The following SHANK2 variants were observed in gnomAD, a reference collection of about 807,000 sequenced individuals.
The protein encoded by SHANK2 is SH3 and multiple ankyrin repeat domains protein 2.
Under a neutral mutation model 133.7 loss-of-function variants are expected in SHANK2, and 43 were observed. The observed-to-expected ratio is 0.32, with a 90% CI of 0.25 to 0.41. SHANK2 has a LOEUF of 0.41. Among genes scored for constraint, SHANK2 ranks in the 10% least tolerant of loss-of-function variants. The pLI, the probability that SHANK2 is intolerant of heterozygous loss-of-function variation, is 1.00. For missense variants in SHANK2, 1,994 were observed against 2,235.8 expected (o/e 0.89, Z 2.18); for synonymous variants, 1,017 against 952.8 (o/e 1.07, Z -1.24).
intron 14 of SHANK2, among the ~76,000 whole-genome samples, chr11:70,788,302 T>C (rs1384346796): frequency 6.6e-6 from 1 of 152,214 alleles, no homozygotes; most frequent in East Asian, 1.9e-4. Context: ...CTTCAGCAGC[T>C]TCCCTTTATC....
At position 71,163,093 on chromosome 11, in the gene SHANK2, A is replaced by AAAACATAT; in HGVS notation, c.-12-15756_-12-15755insATATGTTT. ...GTCTAAAAAAAAAAAAAAAAAAAAA[A>AAAACATAT]ATACATATATATATATATACAGAAT... On this transcript the variant is annotated intron_variant, in intron 2 of 25. Transcript: ENST00000601538. 2.1e-4 allele frequency among the ~76,000 whole-genome samples: 18 copies of AAAACATAT among 84,704 alleles called. 2 individuals are homozygous for AAAACATAT. The highest frequency in any genetic ancestry group is 7.3e-4 in the African/African-American group (16 of 21,788). 55.6% of individuals were successfully genotyped at this position (84,704 alleles called of 152,430 possible).
At chr11:71,248,416 C>T (rs1490608017) in intron 1 of SHANK2, among the ~76,000 whole-genome samples, 1 of 152,168 alleles carries the variant, frequency 6.6e-6, no homozygotes, top group Non-Finnish European at 1.5e-5. Flanking sequence ...AGCTGGGCAG[C>T]GTGCATTTAA....
rs781978925 is a variant in SHANK2 at position 70,877,306 on chromosome 11, G to A, written c.1174+19195C>T. 2.6e-4 allele frequency among the ~76,000 whole-genome samples: 39 copies of A among 152,344 alleles called. 1 individual carries two copies. Among genetic ancestry groups the A allele is most frequent in the Non-Finnish European group, 2.8e-4 (19 of 68,030 alleles). ...CTGGGCAGAGCCCTCACCCTATGCC[G>A]ATGGCCAGCCTGTGACCTCACATAA... On this transcript the variant is annotated intron_variant, in intron 11 of 25. Transcript: ENST00000601538.
chr11:70,512,960 A>G (rs1473597505), intron 17 of SHANK2, among the ~76,000 whole-genome samples: 1 of 150,794 alleles, frequency 6.6e-6, no homozygotes, highest in Non-Finnish European at 1.5e-5. Context: ...AATAAGGTAA[A>G]GTAAATTCCT....
At chr11:70,544,414 A>AG (rs1565116081) in intron 17 of SHANK2, among the ~76,000 whole-genome samples, 4 of 152,280 alleles carry the variant, frequency 2.6e-5, no homozygotes, top group Admixed American at 2.0e-4. Context: ...TGGGGTTTGG[A>AG]GGGGGGCAAG....
chr11:70,785,952 G>T (rs1316416114), intron 14 of SHANK2, among the ~76,000 whole-genome samples: 1 of 152,120 alleles, frequency 6.6e-6, no homozygotes, highest in Non-Finnish European at 1.5e-5. Context: ...GAGGGTGGTC[G>T]CCTGGGACCA....
rs35202906 is a variant in SHANK2 at position 71,239,466 on chromosome 11, A to AT, written c.-113+12958dup. Among the ~76,000 whole-genome samples, 260 of 149,454 alleles carry AT rather than the reference A, an allele frequency of 1.7e-3. 1 individual carries two copies. Among genetic ancestry groups the AT allele is most frequent in the African/African-American group, 3.6e-3 (148 of 40,916 alleles). On this transcript the variant is annotated intron_variant, in intron 1 of 25. Coordinates refer to ENST00000601538, the MANE Select transcript of SHANK2 (RefSeq NM_012309.5). ...TTACTGCACTGTTAATGGTAAAAAA[A>AT]TTTTTTTTTTTGAGACAGGGCCTCA...
intron 2 of SHANK2, among the ~76,000 whole-genome samples, chr11:71,151,723 A>T (rs1952800514): frequency 6.6e-6 from 1 of 152,228 alleles, no homozygotes; most frequent in Admixed American, 6.5e-5. Flanking sequence ...CCTGGCACAG[A>T]GCAGACACGG....
intron 17 of SHANK2, among the ~76,000 whole-genome samples, chr11:70,589,776 A>G (rs1827396852): frequency 2.6e-5 from 4 of 152,318 alleles, no homozygotes; most frequent in Non-Finnish European, 4.4e-5. Context: ...GAAGAAGTTG[A>G]TCCCATCCCT....
At chr11:70,769,921 C>T (rs1947211059) in intron 14 of SHANK2, among the ~76,000 whole-genome samples, 1 of 152,158 alleles carries the variant, frequency 6.6e-6, no homozygotes, top group African/African-American at 2.4e-5. Flanking sequence ...CACCCTGGGT[C>T]CTGCAGGTGC....
intron 17 of SHANK2, among the ~76,000 whole-genome samples, chr11:70,587,966 T>C (rs571022731): frequency 1.3e-5 from 2 of 152,344 alleles, no homozygotes; most frequent in East Asian, 3.9e-4. Flanking sequence ...CATTTCAAAC[T>C]TTTTCAGTAT....
At chr11:70,866,102 G>C (rs1232096446) in intron 11 of SHANK2, among the ~76,000 whole-genome samples, 1 of 152,148 alleles carries the variant, frequency 6.6e-6, no homozygotes, top group African/African-American at 2.4e-5. Context: ...GCCTCTGTCG[G>C]AAAGGCCTAG....
intron 14 of SHANK2, among the ~76,000 whole-genome samples, chr11:70,733,831 G>A (rs1164966063): frequency 3.3e-5 from 5 of 152,218 alleles, no homozygotes; most frequent in African/African-American, 1.2e-4. Flanking sequence ...TGAGGTGTCT[G>A]TGCAGGCACA....
intron 11 of SHANK2, among the ~76,000 whole-genome samples, chr11:70,828,990 C>T (rs777898970): frequency 6.6e-5 from 10 of 152,240 alleles, no homozygotes; most frequent in African/African-American, 2.2e-4. Flanking sequence ...AGAGCCTGCA[C>T]GTTTCTGGGC....
intron 14 of SHANK2, among the ~76,000 whole-genome samples, chr11:70,782,628 G>T (rs1338126875): frequency 1.3e-5 from 2 of 152,206 alleles, no homozygotes; most frequent in Admixed American, 1.3e-4. Flanking sequence ...CTGCACCACT[G>T]ACAAAGGTCT....
chr11:70,890,647 A>G (rs1949826039), intron 11 of SHANK2, among the ~76,000 whole-genome samples: 2 of 151,940 alleles, frequency 1.3e-5, no homozygotes, highest in South Asian at 2.1e-4. Flanking sequence ...TAAAAACACA[A>G]AACTAGCCGG....
intron 17 of SHANK2, among the ~76,000 whole-genome samples, chr11:70,520,324 G>C (rs1444364800): frequency 6.6e-6 from 1 of 152,228 alleles, no homozygotes; most frequent in Non-Finnish European, 1.5e-5. Flanking sequence ...TTTAGTTGCT[G>C]CTCTAGGCTC....
At chr11:70,904,925 G>C (rs1555077599) in intron 10 of SHANK2, among the ~76,000 whole-genome samples, 1 of 152,188 alleles carries the variant, frequency 6.6e-6, no homozygotes, top group African/African-American at 2.4e-5. Flanking sequence ...GGCCTCCCCA[G>C]CCATGTAGAA....
chr11:70,673,363 T>C (rs1400374748), intron 15 of SHANK2, among the ~76,000 whole-genome samples: 3 of 151,996 alleles, frequency 2.0e-5, no homozygotes, highest in African/African-American at 7.3e-5. Context: ...AAGGGACTGT[T>C]GATGACTTTT....
Sources: gnomAD v4.1 joint callset for allele counts (sites outside exome capture counted in the v4.1 genomes callset) on GRCh38, gnomAD v4.1.1 for gene constraint, MANE v1.5 for transcripts, NCBI Gene and HGNC (gene_info 2026-07-23, HGNC 2026-07-21) for gene names.